The following PCDHA2 variants were observed in gnomAD, a reference collection of about 807,000 sequenced individuals.
The protein encoded by PCDHA2 is protocadherin alpha 2.
A neutral mutation model predicts 66.0 loss-of-function variants in PCDHA2; 58 were observed. That is an observed-to-expected ratio of 0.88 (90% confidence interval 0.71 to 1.09). The LOEUF (loss-of-function observed/expected upper bound fraction) is 1.09. Ranked by LOEUF, PCDHA2 falls within the 50% of genes least tolerant of loss-of-function variation. The pLI, the probability that PCDHA2 is intolerant of heterozygous loss-of-function variation, is 0.00. For missense variants in PCDHA2, 1,267 were observed against 1,242.3 expected, an observed-to-expected ratio of 1.02 and a Z score of -0.30; for synonymous variants, 634 against 554.0, an observed-to-expected ratio of 1.14 and a Z score of -2.03.
At chr5:140,965,352 T>C (rs1474672624) in intron 1 of PCDHA2, among the ~76,000 whole-genome samples, 1 of 152,166 alleles carries the variant, frequency 6.6e-6, no homozygotes, top group Admixed American at 6.5e-5. Context: ...GTTGCCTCTA[T>C]AGCAGTACAA....
rs201090787 is a variant in PCDHA2, at chr5:140,876,840, G to A, written c.2388+79488G>A. On this transcript the variant is annotated intron_variant, in intron 1 of 3. Coordinates refer to ENST00000526136, the MANE Select transcript of PCDHA2 (RefSeq NM_018905.3). Reference sequence around the variant, plus strand: ...TGAACGACAATGCGCCTGCGTTCGCGCAGCCCGAGTACACAGTGTTCGTGA... The same window carrying A: ...TGAACGACAATGCGCCTGCGTTCGCACAGCCCGAGTACACAGTGTTCGTGA... 2.5e-6 allele frequency: 4 copies of A among 1,614,166 alleles called. No homozygotes were observed. In the East Asian group the frequency reaches 6.7e-5, roughly 27 times the overall value.
At chr5:140,859,397 A>C in intron 1 of PCDHA2, 1 of 262,266 alleles carries the variant, frequency 3.8e-6, no homozygotes, top group Non-Finnish European at 6.9e-6. Flanking sequence ...CATCTTAAAC[A>C]GGGTTGGGTT....
intron 1 of PCDHA2, among the ~76,000 whole-genome samples, chr5:140,940,172 C>T (rs1177302028): frequency 6.6e-6 from 1 of 152,102 alleles, no homozygotes; most frequent in Non-Finnish European, 1.5e-5. Flanking sequence ...AAATGTCATT[C>T]TTGATAGATA....
chr5:140,836,708 C>T (rs1774690824), intron 1 of PCDHA2: 1 of 1,613,072 alleles, frequency 6.2e-7, no homozygotes, highest in Non-Finnish European at 8.5e-7. Flanking sequence ...TCAGTCCCAG[C>T]CTTCCTCAGG....
chr5:140,916,840 C>G (rs1350788875), intron 1 of PCDHA2, among the ~76,000 whole-genome samples: 1 of 152,128 alleles, frequency 6.6e-6, no homozygotes, highest in African/African-American at 2.4e-5. Context: ...TGGTTCTGAG[C>G]CCAGCCCAGC....
intron 1 of PCDHA2, chr5:140,803,683 T>C (rs560789364): frequency 1.8e-5 from 29 of 1,569,230 alleles, no homozygotes; most frequent in Middle Eastern, 1.8e-4. Context: ...TAGTTAAGTA[T>C]GAATTATGTG....
At chr5:140,988,625 T>A (rs1406223989) in intron 3 of PCDHA2, among the ~76,000 whole-genome samples, 1 of 152,176 alleles carries the variant, frequency 6.6e-6, no homozygotes, top group Non-Finnish European at 1.5e-5. Context: ...AATGGAGATG[T>A]CCTGGTTTTC....
intron 1 of PCDHA2, among the ~76,000 whole-genome samples, chr5:140,959,379 A>T (rs2095484732): frequency 6.6e-6 from 1 of 152,176 alleles, no homozygotes; most frequent in Admixed American, 6.5e-5. Context: ...GTCTCAAAAA[A>T]AAAAGTCACA....
At chr5:140,836,455 C>A in intron 1 of PCDHA2, 1 of 1,613,840 alleles carries the variant, frequency 6.2e-7, no homozygotes, top group Non-Finnish European at 8.5e-7. Context: ...GGCCCAGAGA[C>A]CGAGCTGGTG....
At chr5:140,948,395 T>C (rs1317288202) in intron 1 of PCDHA2, among the ~76,000 whole-genome samples, 1 of 151,580 alleles carries the variant, frequency 6.6e-6, no homozygotes, top group African/African-American at 2.4e-5. Context: ...TTCTGAAAGG[T>C]TGTGTAATAT....
Position 140,841,931 on chromosome 5 carries a change from G to T in PCDHA2, c.2388+44579G>T, listed in dbSNP as rs1554138650. ...ATTAAGAAAATCCTTGGACAGAGAG[G>T]ACGCTCCTGCGCACCACTTATTCCT... On this transcript the variant is annotated intron_variant, in intron 1 of 3. Coordinates refer to ENST00000526136, the MANE Select transcript of PCDHA2 (RefSeq NM_018905.3). The T allele has an allele frequency of 4.3e-6, 7 of 1,613,782 alleles. No homozygotes were observed. In the African/African-American group the frequency reaches 9.4e-5, roughly 22 times the overall value.
At chr5:140,983,931 G>A (rs1398681067) in intron 3 of PCDHA2, among the ~76,000 whole-genome samples, 1 of 152,190 alleles carries the variant, frequency 6.6e-6, no homozygotes, top group Non-Finnish European at 1.5e-5. Context: ...GCTATTTATG[G>A]ATGTTGCACA....
chr5:140,982,772 A>T (rs144366377), intron 3 of PCDHA2, among the ~76,000 whole-genome samples: 67 of 152,052 alleles, frequency 4.4e-4, no homozygotes, highest in African/African-American at 1.5e-3. Context: ...TAACAAGGAA[A>T]GTGTGTGTGC....
At chr5:140,946,202 A>T (rs2093901656) in intron 1 of PCDHA2, among the ~76,000 whole-genome samples, 1 of 152,118 alleles carries the variant, frequency 6.6e-6, no homozygotes, top group Non-Finnish European at 1.5e-5. Context: ...AAAAGAAAGC[A>T]CACAAATGAC....
At chr5:140,955,506 G>A (rs781377705) in intron 1 of PCDHA2, among the ~76,000 whole-genome samples, 3 of 152,222 alleles carry the variant, frequency 2.0e-5, no homozygotes, top group South Asian at 2.1e-4. Flanking sequence ...GAAGAAAGAC[G>A]TGTTTGCTTT....
intron 1 of PCDHA2, chr5:140,858,764 G>A: frequency 4.4e-6 from 2 of 451,976 alleles, no homozygotes; most frequent in South Asian, 5.7e-5. Context: ...ACAAATATTT[G>A]TGAGATTAGT....
chr5:140,883,575 G>C (rs782472492), intron 1 of PCDHA2: 87 of 1,613,954 alleles, frequency 5.4e-5, no homozygotes, highest in Non-Finnish European at 7.4e-5. Context: ...CCTTCGCTGT[G>C]GGCCACGGCC....
chr5:140,863,334 G>T (rs782071935), intron 1 of PCDHA2: 24 of 1,387,574 alleles, frequency 1.7e-5, no homozygotes, highest in South Asian at 5.7e-5. Flanking sequence ...TAGTGCTCAC[G>T]TTGCTGCTGT....
chr5:140,861,559 A>G (rs2046978123), intron 1 of PCDHA2: 2 of 393,478 alleles, frequency 5.1e-6, no homozygotes, highest in Non-Finnish European at 5.3e-6. Context: ...GTGATCGTGG[A>G]CAAGCTGCTA....
Sources: allele counts gnomAD v4.1 joint callset (sites outside exome capture counted in the v4.1 genomes callset), GRCh38; gene constraint gnomAD v4.1.1; transcripts MANE v1.5; gene names NCBI Gene and HGNC (gene_info 2026-07-23, HGNC 2026-07-21).